ENTREP1: variants seen among roughly 807,000 people sequenced by gnomAD.
The protein encoded by ENTREP1 is Friedreich ataxia region gene X123.
the ENTREP1 span, among the ~76,000 whole-genome samples, chr9:69,352,079 T>C: frequency 6.6e-6 from 1 of 152,128 alleles, no homozygotes; most frequent in African/African-American, 2.4e-5. Flanking sequence ...GGGTCAGTGA[T>C]TCTGATTGAC....
At chr9:69,390,772 T>C in the ENTREP1 span, among the ~76,000 whole-genome samples, 4 of 152,086 alleles carry the variant, frequency 2.6e-5, no homozygotes, top group African/African-American at 9.7e-5. Context: ...CTCAGGTAGC[T>C]GGGACTACAG....
chr9:69,335,115 A>C, the ENTREP1 span, among the ~76,000 whole-genome samples: 1 of 152,128 alleles, frequency 6.6e-6, no homozygotes, highest in South Asian at 2.1e-4. Context: ...GTCATTTTGC[A>C]ACATGAGCTC....
chr9:69,338,379 C>T, the ENTREP1 span, among the ~76,000 whole-genome samples: 2 of 152,092 alleles, frequency 1.3e-5, no homozygotes, highest in Non-Finnish European at 2.9e-5. Flanking sequence ...TACAAATCTC[C>T]AGTATTTAAA....
chr9:69,351,168 C>G, the ENTREP1 span, among the ~76,000 whole-genome samples: 1 of 152,196 alleles, frequency 6.6e-6, no homozygotes, highest in Non-Finnish European at 1.5e-5. Context: ...AACTTAAACT[C>G]TGTTCCTACA....
At chr9:69,345,660 C>T in the ENTREP1 span, among the ~76,000 whole-genome samples, 1 of 152,180 alleles carries the variant, frequency 6.6e-6, no homozygotes, top group Admixed American at 6.5e-5. Context: ...TGGAATGCAG[C>T]GGCACAATCT....
At chr9:69,388,015 CA>C in the ENTREP1 span, 1 of 1,560,796 alleles carries the variant, frequency 6.4e-7, no homozygotes, top group Admixed American at 1.9e-5. Flanking sequence ...CCTCCTTCTG[CA>C]AGATGAAAAG....
chr9:69,378,180 G>T, the ENTREP1 span, among the ~76,000 whole-genome samples: 1 of 152,170 alleles, frequency 6.6e-6, no homozygotes, highest in African/African-American at 2.4e-5. Context: ...ACATGATTGA[G>T]AGTCGCTGTT....
chr9:69,392,215 T>A, the ENTREP1 span: 1 of 205,714 alleles, frequency 4.9e-6, no homozygotes, highest in Non-Finnish European at 9.9e-6. Flanking sequence ...CCTTTGGCCT[T>A]TCACTGCTCT....
chr9:69,363,333 G>T, the ENTREP1 span, among the ~76,000 whole-genome samples: 1 of 152,158 alleles, frequency 6.6e-6, no homozygotes, highest in African/African-American at 2.4e-5. Flanking sequence ...GGCAAGTGAT[G>T]ATTAATTTGA....
the ENTREP1 span, among the ~76,000 whole-genome samples, chr9:69,384,497 A>G: frequency 6.6e-6 from 1 of 152,336 alleles, no homozygotes; most frequent in East Asian, 1.9e-4. Flanking sequence ...GACTTTTGTC[A>G]GGGGAAAAAA....
At chr9:69,374,063 T>C in the ENTREP1 span, among the ~76,000 whole-genome samples, 1 of 152,152 alleles carries the variant, frequency 6.6e-6, no homozygotes, top group African/African-American at 2.4e-5. Flanking sequence ...TCTTTCACCA[T>C]GGGTTAGTTT....
chr9:69,386,169 G>T, the ENTREP1 span: 1 of 373,918 alleles, frequency 2.7e-6, no homozygotes, highest in East Asian at 4.2e-5. Context: ...TTTTTTTAAA[G>T]TCATTGTCAT....
chr9:69,344,111 T>A, the ENTREP1 span, among the ~76,000 whole-genome samples: 2 of 152,226 alleles, frequency 1.3e-5, no homozygotes, highest in Admixed American at 6.5e-5. Context: ...CCCAACAGAC[T>A]ACAGTGATCA....
At chr9:69,328,562 C>G in the ENTREP1 span, among the ~76,000 whole-genome samples, 1 of 152,018 alleles carries the variant, frequency 6.6e-6, no homozygotes, top group Non-Finnish European at 1.5e-5. Context: ...TTCCAGGTAT[C>G]ACAACTTCAG....
the ENTREP1 span, among the ~76,000 whole-genome samples, chr9:69,391,039 C>G: frequency 2.0e-5 from 3 of 152,028 alleles, no homozygotes; most frequent in Non-Finnish European, 4.4e-5. Flanking sequence ...CTGACTCAGC[C>G]TCCCAAAGTG....
the ENTREP1 span, among the ~76,000 whole-genome samples, chr9:69,347,892 T>C: frequency 1.3e-5 from 2 of 152,190 alleles, no homozygotes; most frequent in African/African-American, 4.8e-5. Context: ...TAATTCCATG[T>C]TATTCAAAGG....
the ENTREP1 span, chr9:69,392,059 C>G: frequency 3.8e-6 from 2 of 530,320 alleles, no homozygotes; most frequent in African/African-American, 1.9e-5. Context: ...TGCTGGGCCT[C>G]GCAGCATTCC....
At chr9:69,346,581 CT>C in the ENTREP1 span, among the ~76,000 whole-genome samples, 2 of 152,076 alleles carry the variant, frequency 1.3e-5, no homozygotes, top group African/African-American at 4.8e-5. Context: ...TGATATTTTA[CT>C]TTTATGTTGT....
chr9:69,325,199 C>A, the ENTREP1 span: 1 of 1,027,642 alleles, frequency 9.7e-7, no homozygotes, highest in Non-Finnish European at 1.2e-6. Context: ...CCCCCTCGGC[C>A]TCGGAGCCCG....
Sources: allele counts gnomAD v4.1 joint callset (sites outside exome capture counted in the v4.1 genomes callset), GRCh38; gene constraint gnomAD v4.1.1; transcripts MANE v1.5; gene names NCBI Gene and HGNC (gene_info 2026-07-23, HGNC 2026-07-21).